Variants in WIZ observed in about 807,000 individuals in gnomAD.
The protein encoded by WIZ is protein Wiz.
A neutral mutation model predicts 140.2 loss-of-function variants in WIZ; 25 were observed. That is an observed-to-expected ratio of 0.18 (90% CI 0.13 to 0.25). The LOEUF is 0.25. Among genes scored for constraint, WIZ ranks in the 10% least tolerant of loss-of-function variants. The pLI is 1.00. For synonymous variants in WIZ, 1,125 were observed against 1,154.3 expected (o/e 0.97, Z 0.51); for missense variants, 2,231 against 2,632.6 (o/e 0.85, Z 3.34).
At chr19:15,430,754 A>G (rs1599674715) in intron 6 of WIZ, among the ~76,000 whole-genome samples, 1 of 145,082 alleles carries the variant, frequency 6.9e-6, no homozygotes, top group Non-Finnish European at 1.5e-5. Flanking sequence ...GGGTCTGAGT[A>G]TGAGCTCTGG....
At chr19:15,432,606 C>T (rs1969337769) in intron 5 of WIZ, 2 of 239,040 alleles carry the variant, frequency 8.4e-6, no homozygotes, top group Admixed American at 6.8e-5. Context: ...GCGGGGGCGC[C>T]CCCGCGGGCG....
intron 12 of WIZ, among the ~76,000 whole-genome samples, chr19:15,423,507 G>A (rs1968507070): frequency 6.6e-6 from 1 of 152,156 alleles, no homozygotes; most frequent in South Asian, 2.1e-4. Flanking sequence ...AGGTACCCCT[G>A]CCATCTGGCA....
rs1194496877 is a variant in WIZ at position 15,428,264 on chromosome 19, C to T, written c.3660G>A (p.Ala1220=). The change falls in exon 8 of 13, where the codon GCG becomes GCA. Residue 1220 remains alanine (A), a synonymous_variant. Coordinates refer to ENST00000673675, the MANE Select transcript of WIZ (RefSeq NM_001371589.1). This position sits in a 1 kb window ranked among gnomAD's most constrained non-coding sequence, Gnocchi z 6.4. ...AHPGRPPPTS[A]ALSLLPPPPP... is the part of the protein sequence containing the mutation. Reference sequence around the variant, plus strand: ...GTGGGGGGGGAAGCAAGGAGAGGGCCGCGGAGGTGGGAGGCGGCCGCCCCG... The same window carrying T: ...GTGGGGGGGGAAGCAAGGAGAGGGCTGCGGAGGTGGGAGGCGGCCGCCCCG... The T allele has an allele frequency of 5.9e-6, 9 of 1,527,694 alleles. No homozygotes were observed. The highest frequency in any genetic ancestry group is 2.0e-5 in the Admixed American group (1 of 49,884). The allele number at this position is 1,527,694 out of a possible 1,614,324, so 94.6% of individuals were successfully genotyped here. A position where few individuals can be genotyped will look rare whatever the true frequency, so the allele number is the denominator to read the frequency against.
intron 5 of WIZ, among the ~76,000 whole-genome samples, chr19:15,431,845 G>A (rs1969260620): frequency 6.6e-6 from 1 of 152,236 alleles, no homozygotes; most frequent in Non-Finnish European, 1.5e-5. Flanking sequence ...AGCATCCCTG[G>A]GTGAGGAGTG....
chr19:15,423,437 C>G (rs1282965031), intron 12 of WIZ, among the ~76,000 whole-genome samples: 1 of 152,174 alleles, frequency 6.6e-6, no homozygotes, highest in Non-Finnish European at 1.5e-5. Context: ...CAGGGTCTCA[C>G]AGAGACCCCT....
intron 2 of WIZ, among the ~76,000 whole-genome samples, chr19:15,446,027 G>C (rs1405676476): frequency 1.3e-5 from 2 of 152,096 alleles, no homozygotes; most frequent in Admixed American, 6.5e-5. Context: ...GGAGAGACGT[G>C]GTGTCCCAAA....
At position 15,425,912 on chromosome 19, in the gene WIZ, G is replaced by GAGGAGA. The variant is rs1968792695; in HGVS notation, c.4367-145_4367-144insTCTCCT. ...GGAGGAGGAGGAGGAGGAGGAGGAGGAGAAGGAGGCGGCGGCTGCGGGCAG... is the reference window on the plus strand; with the variant it reads ...GGAGGAGGAGGAGGAGGAGGAGGAGGAGGAGAAGAAGGAGGCGGCGGCTGCGGGCAG... On this transcript the variant is annotated intron_variant, in intron 9 of 12. Transcript: ENST00000673675. 13 of 594,406 alleles carry GAGGAGA rather than the reference G, an allele frequency of 2.2e-5. 1 individual carries two copies. The highest frequency in any genetic ancestry group is 3.9e-5 in the South Asian group (2 of 50,658). The allele number at this position is 594,406 out of a possible 1,614,324, so 36.8% of individuals were successfully genotyped here.
Position 15,433,436 on chromosome 19 carries a change from C to T in WIZ, c.2741-2254G>A, listed in dbSNP as rs899621293. 1.0e-5 allele frequency: 8 copies of T among 797,566 alleles called. No individual in the cohort carries two copies. In the South Asian group the frequency reaches 4.6e-4, roughly 46 times the overall value. 49.4% of individuals were successfully genotyped at this position (797,566 alleles called of 1,614,324 possible). A position where few individuals can be genotyped will look rare whatever the true frequency, so the allele number is the denominator to read the frequency against. On this transcript the variant is annotated intron_variant, in intron 5 of 12. Coordinates refer to ENST00000673675, the MANE Select transcript of WIZ (RefSeq NM_001371589.1). ...AACGACAGCCTTGCAGCGCCAGTGC[C>T]CAGACCTAGCCCTAATGTTGCATAT...
chr19:15,421,576 G>A lies in WIZ; in HGVS notation c.*1500C>T, dbSNP rs1968370209. The A allele has an allele frequency of 6.6e-6, 1 of 152,224 alleles. No homozygotes were observed. The highest frequency in any genetic ancestry group is 1.5e-5 in the Non-Finnish European group (1 of 68,044). 9.4% of individuals were successfully genotyped at this position (152,224 alleles called of 1,614,324 possible). A position where few individuals can be genotyped will look rare whatever the true frequency, so the allele number is the denominator to read the frequency against. ...CAGAAATGTTCAATAAACATTTGCA[G>A]AGCGAGAAAATAAATAACATCGCAA... On this transcript the variant is annotated 3_prime_UTR_variant, in exon 13 of 13. Transcript: ENST00000673675.
chr19:15,424,650 G>T lies in WIZ; in HGVS notation c.5277C>A (p.Thr1759=). The T allele has an allele frequency of 6.3e-7, 1 of 1,592,092 alleles. No individual in the cohort carries two copies. ...GCCGCTGGTGCTCCTCAGCCTTCAC[G>T]GTGCCTGGCGGGCTGGCTGCCAGAG... ...ERPLAASPPG[T]VKAEEHQRQN... The change falls in exon 11 of 13, where the codon ACC becomes ACA. Residue 1759 remains threonine, a synonymous_variant. Coordinates refer to ENST00000673675, the MANE Select transcript of WIZ (RefSeq NM_001371589.1). The surrounding 1 kb of genome is among the most constrained non-coding windows in gnomAD (Gnocchi z 9.7).
intron 3 of WIZ, among the ~76,000 whole-genome samples, chr19:15,441,403 T>A (rs1028774728): frequency 6.6e-6 from 1 of 152,218 alleles, no homozygotes; most frequent in African/African-American, 2.4e-5. Flanking sequence ...TTTGTCCTTA[T>A]ACAACATCTG....
intron 12 of WIZ, 58 bp from the exon 13 acceptor site, chr19:15,423,293 A>G: frequency 1.3e-6 from 2 of 1,578,636 alleles, no homozygotes; most frequent in East Asian, 4.5e-5. Context: ...GCGGAAGCAT[A>G]GCCTTGCCAG....
In WIZ at chr19:15,424,471, T is replaced by C. The variant is rs1350240098; in HGVS notation, c.5315-93A>G. On this transcript the variant is annotated intron_variant, in intron 11 of 12. Coordinates refer to ENST00000673675, the MANE Select transcript of WIZ (RefSeq NM_001371589.1). This position sits in a 1 kb window ranked among gnomAD's most constrained non-coding sequence, Gnocchi z 9.7. ...GAGCTGAGGACTGATGCTACCTGGATGGGTGGGATGGGGGATGGATGGGTG... is the reference window on the plus strand; with the variant it reads ...GAGCTGAGGACTGATGCTACCTGGACGGGTGGGATGGGGGATGGATGGGTG... 1.4e-5 allele frequency: 21 copies of C among 1,528,812 alleles called. No homozygotes were observed. The highest frequency in any genetic ancestry group is 2.4e-4 in the Middle Eastern group (1 of 4,198). 94.7% of individuals were successfully genotyped at this position (1,528,812 alleles called of 1,614,324 possible).
chr19:15,436,779 C>G, intron 5 of WIZ, 27 bp downstream of exon 5: 1 of 1,531,574 alleles, frequency 6.5e-7, no homozygotes. Flanking sequence ...GGATGGGGCT[C>G]CAGCACAGCC....
chr19:15,433,347 T>C, intron 5 of WIZ: 1 of 985,292 alleles, frequency 1.0e-6, no homozygotes, highest in Non-Finnish European at 1.2e-6. Context: ...AATCGGAACA[T>C]TGCCCCGCCC....
rs1969138149 is a variant in WIZ at position 15,430,160 on chromosome 19, CCT to C, written c.2912-73_2912-72del. The C allele has an allele frequency of 8.3e-6, 12 of 1,439,450 alleles. No homozygotes were observed. The Admixed American group carries it at 1.9e-4, about 22-fold the overall frequency. 89.2% of individuals were successfully genotyped at this position (1,439,450 alleles called of 1,614,324 possible). A position where few individuals can be genotyped will look rare whatever the true frequency, so the allele number is the denominator to read the frequency against. ...GGCCCAGCTCTCCCGCTTCTCCTCCCCTGAGAGTCCCACTCACCCAGGCTCCA... is the reference window on the plus strand; with the variant it reads ...GGCCCAGCTCTCCCGCTTCTCCTCCCGAGAGTCCCACTCACCCAGGCTCCA... On this transcript the variant is annotated intron_variant, in intron 6 of 12. Transcript: ENST00000673675.
chr19:15,447,602 AGT>A (rs1969962921), intron 2 of WIZ, among the ~76,000 whole-genome samples: 3 of 152,198 alleles, frequency 2.0e-5, no homozygotes, highest in Non-Finnish European at 4.4e-5. Flanking sequence ...AGGTGGGGAG[AGT>A]GTGAGATACC....
chr19:15,429,948 T>A lies in WIZ; in HGVS notation c.3053A>T (p.Glu1018Val). The stretch of plus-strand genomic sequence containing the variant: ...AGGCAGACCCTTCTGCTTCACAAGC[T>A]CGTAGAGGAGGTCGATGGGTGCGCC... ...SSGAPIDLLY[E>V]LVKQKGLPDA... The change falls in exon 7 of 13, where the codon GAG becomes GTG. Residue 1018 changes from glutamate to valine, a missense_variant. Physicochemically the swap from Glu to Val is moderately radical, Grantham distance 121 (BLOSUM62 -2). Transcript: ENST00000673675. 2.6e-6 allele frequency: 4 copies of A among 1,535,864 alleles called. No individual in the cohort carries two copies. The highest frequency in any genetic ancestry group is 3.5e-6 in the Non-Finnish European group (4 of 1,146,794).
At chr19:15,434,813 T>C (rs1470033370) in intron 5 of WIZ, among the ~76,000 whole-genome samples, 1 of 152,110 alleles carries the variant, frequency 6.6e-6, no homozygotes, top group African/African-American at 2.4e-5. Context: ...CTTCACCAAA[T>C]AGGACTTATG....
Sources: allele counts gnomAD v4.1 joint callset (sites outside exome capture counted in the v4.1 genomes callset), GRCh38; gene constraint gnomAD v4.1.1; non-coding constraint Gnocchi (gnomAD v3.1); transcripts MANE v1.5; gene names NCBI Gene and HGNC (gene_info 2026-07-23, HGNC 2026-07-21).